STAG2: variants seen among roughly 807,000 people sequenced by gnomAD.
STAG2 encodes STAG2 cohesin complex component.
In STAG2, 14 loss-of-function variants were observed where a neutral mutation model predicts 108.1. The ratio of observed to expected loss-of-function variants is 0.13; its 90% CI spans 0.09 to 0.20. The LOEUF (loss-of-function observed/expected upper bound fraction) is 0.20. STAG2 is among the 10% of genes least tolerant of loss of function. The probability of loss-of-function intolerance (pLI) is 1.00; values close to 1 mark genes in which losing one functional copy is unlikely to be tolerated. For missense variants in STAG2, 440 were observed against 940.9 expected, an observed-to-expected ratio of 0.47 and a Z score of 6.96; for synonymous variants, 307 against 302.7, an observed-to-expected ratio of 1.01 and a Z score of -0.15.
rs142148251 is a variant in STAG2 at position 124,078,851 on chromosome X, C to T, written c.2775+793C>T. Among the ~76,000 whole-genome samples the T allele has an allele frequency of 5.9e-3, 645 of 108,679 alleles. 8 individuals carry two copies. The highest frequency in any genetic ancestry group is 0.021 in the African/African-American group (614 of 29,864). The allele number at this position is 108,679 out of a possible 115,157, so 94.4% of individuals were successfully genotyped here. Reference sequence around the variant, plus strand: ...GGGCATGATGATGTGAGCCTATAATCCCAGCCACTTGGGAGGCTGAGGCAC... The same window carrying T: ...GGGCATGATGATGTGAGCCTATAATTCCAGCCACTTGGGAGGCTGAGGCAC... On this transcript the variant is annotated intron_variant, in intron 27 of 34. Transcript: ENST00000371145.
At chrX:124,097,915 T>C (rs1309838591) in intron 34 of STAG2, among the ~76,000 whole-genome samples, 4 of 110,581 alleles carry the variant, frequency 3.6e-5, no homozygotes, top group Non-Finnish European at 7.6e-5. Flanking sequence ...AATGGTTAAC[T>C]GTGATCAAAA....
chrX:123,980,897 CTTTT>C (rs1019159210), intron 1 of STAG2, among the ~76,000 whole-genome samples: 1 of 110,249 alleles, frequency 9.1e-6, no homozygotes, highest in South Asian at 3.8e-4. Flanking sequence ...AAAAGGAAAA[CTTTT>C]TTTTTCTTTT....
intron 1 of STAG2, among the ~76,000 whole-genome samples, chrX:123,984,569 T>C (rs181452395): frequency 8.9e-6 from 1 of 112,035 alleles, no homozygotes; most frequent in East Asian, 2.8e-4. Flanking sequence ...GTGCCTGATA[T>C]ATAGCAGGCT....
chrX:123,988,370 C>T (rs2055295074), intron 1 of STAG2, among the ~76,000 whole-genome samples: 1 of 109,925 alleles, frequency 9.1e-6, no homozygotes, highest in Admixed American at 9.8e-5. Context: ...ATTATGGCCA[C>T]AATAAGTAGA....
At chrX:124,057,749 C>T in intron 14 of STAG2, 117 bp from the exon 15 acceptor site, 2 of 406,539 alleles carry the variant, frequency 4.9e-6, no homozygotes, top group Non-Finnish European at 8.2e-6. Context: ...TGTACCTACC[C>T]AGTTCTCCTT....
At chrX:124,039,119 C>CT (rs1325824158) in intron 6 of STAG2, among the ~76,000 whole-genome samples, 3 of 99,166 alleles carry the variant, frequency 3.0e-5, no homozygotes, top group Non-Finnish European at 6.1e-5. Flanking sequence ...AATTTTAAAT[C>CT]TTAAGTCTCC....
intron 1 of STAG2, among the ~76,000 whole-genome samples, chrX:123,972,866 CA>C (rs747333406): frequency 0.053 from 1,163 of 21,920 alleles, 22 homozygotes; most frequent in African/African-American, 0.2. Context: ...ACCAAAAATA[CA>C]AAAAAAAAAA....
chrX:124,006,078 CTTCAG>C (rs747927873), intron 1 of STAG2, among the ~76,000 whole-genome samples: 67 of 111,364 alleles, frequency 6.0e-4, no homozygotes, highest in Non-Finnish European at 1.1e-3. Context: ...AACTTGATAA[CTTCAG>C]TAAAGATCCT....
intron 1 of STAG2, among the ~76,000 whole-genome samples, chrX:123,983,974 C>CTTTTCTTTTTTTT (rs1168788249): frequency 4.6e-4 from 28 of 61,464 alleles, no homozygotes; most frequent in Non-Finnish European, 7.2e-4. Flanking sequence ...CTTTTCTTTT[C>CTTTTCTTTTTTTT]TTTTTTTTTT....
chrX:124,068,799 G>T, intron 24 of STAG2, 143 bp downstream of exon 24: 1 of 364,047 alleles, frequency 2.7e-6, no homozygotes, highest in Non-Finnish European at 4.7e-6. Flanking sequence ...AAAAAAATAG[G>T]TTAATATATT....
chrX:124,008,809 TA>T (rs1468781299), intron 1 of STAG2, among the ~76,000 whole-genome samples: 1 of 112,084 alleles, frequency 8.9e-6, no homozygotes, highest in Non-Finnish European at 1.9e-5. Context: ...TGCATATGAA[TA>T]ATCTTCTCAA....
intron 15 of STAG2, among the ~76,000 whole-genome samples, chrX:124,059,827 G>A (rs1409442654): frequency 1.8e-5 from 2 of 109,712 alleles, no homozygotes; most frequent in East Asian, 5.7e-4. Context: ...CACCCAGCTA[G>A]TTTATTTTAG....
intron 33 of STAG2, among the ~76,000 whole-genome samples, chrX:124,095,129 G>A (rs983757293): frequency 9.0e-6 from 1 of 111,639 alleles, no homozygotes; most frequent in Non-Finnish European, 1.9e-5. Flanking sequence ...GGGTTTCACC[G>A]TGTTAGCCAG....
rs73212910 is a variant in STAG2 at position 123,983,909 on chromosome X, G to T, written c.-163+22053G>T. 9.5e-3 allele frequency among the ~76,000 whole-genome samples: 1,016 copies of T among 106,667 alleles called. 7 individuals carry two copies. The highest frequency in any genetic ancestry group is 0.015 in the Middle Eastern group (3 of 204). 92.6% of individuals were successfully genotyped at this position (106,667 alleles called of 115,157 possible). ...AGAAGTTAGGGGCAAATAAAACATT[G>T]TATAGAGCAGTTAATTTTGTTTCCT... On this transcript the variant is annotated intron_variant, in intron 1 of 34. Coordinates refer to ENST00000371145, the MANE Select transcript of STAG2 (RefSeq NM_001042750.2).
chrX:124,067,614 T>C (rs1320884539), intron 23 of STAG2, among the ~76,000 whole-genome samples: 1 of 111,604 alleles, frequency 9.0e-6, no homozygotes, highest in African/African-American at 3.3e-5. Flanking sequence ...TTTAACTAAA[T>C]GTTAAGCTTG....
intron 9 of STAG2, among the ~76,000 whole-genome samples, chrX:124,048,226 A>T (rs1410902122): frequency 2.7e-5 from 3 of 111,839 alleles, no homozygotes; most frequent in Non-Finnish European, 3.8e-5. Context: ...AGCTAATTTT[A>T]AATTGGTTAT....
chrX:124,022,951 C>G (rs1224148583), intron 3 of STAG2, among the ~76,000 whole-genome samples: 2 of 111,991 alleles, frequency 1.8e-5, no homozygotes, highest in Non-Finnish European at 3.8e-5. Context: ...TTTGCAATAG[C>G]AACTGTTTTG....
chrX:124,015,865 A>G (rs770606299), intron 1 of STAG2, among the ~76,000 whole-genome samples: 1 of 111,612 alleles, frequency 9.0e-6, no homozygotes, highest in African/African-American at 3.3e-5. Context: ...ACCTTTTAGC[A>G]TTCACAACCT....
chrX:124,067,433 A>G (rs2058564838), intron 23 of STAG2, among the ~76,000 whole-genome samples: 1 of 109,494 alleles, frequency 9.1e-6, no homozygotes, highest in African/African-American at 3.3e-5. Flanking sequence ...CACGCCCACT[A>G]ACTTTTGCAT....
Sources: allele counts gnomAD v4.1 joint callset (sites outside exome capture counted in the v4.1 genomes callset), GRCh38; gene constraint gnomAD v4.1.1; transcripts MANE v1.5; gene names NCBI Gene and HGNC (gene_info 2026-07-23, HGNC 2026-07-21).